Variants in CDH13 observed in about 807,000 individuals in gnomAD.
CDH13 encodes the protein cadherin 13.
A neutral mutation model predicts 63.8 loss-of-function variants in CDH13; 24 were observed. The observed-to-expected ratio is 0.38, with a 90% CI of 0.27 to 0.53. CDH13 has a LOEUF of 0.53. Among genes scored for constraint, CDH13 ranks in the 20% least tolerant of loss-of-function variants. The pLI is 0.85. For synonymous variants in CDH13, 503 were observed against 355.3 expected (o/e 1.42, Z -4.67); for missense variants, 1,049 against 903.1 (o/e 1.16, Z -2.07).
intron 5 of CDH13, among the ~76,000 whole-genome samples, chr16:83,293,962 G>A (rs530190820): frequency 2.3e-4 from 35 of 152,228 alleles, no homozygotes; most frequent in Non-Finnish European, 4.3e-4. Flanking sequence ...TATTATTGTT[G>A]CCCCTGTGAG....
chr16:83,286,931 C>T (rs558925825), intron 5 of CDH13, among the ~76,000 whole-genome samples: 1 of 151,828 alleles, frequency 6.6e-6, no homozygotes, highest in Non-Finnish European at 1.5e-5. Context: ...CCTACTTGTC[C>T]CCCTGCCATG....
chr16:82,749,705 A>G (rs2034332369), intron 1 of CDH13, among the ~76,000 whole-genome samples: 1 of 152,140 alleles, frequency 6.6e-6, no homozygotes, highest in Non-Finnish European at 1.5e-5. Flanking sequence ...AACGTATTAT[A>G]AATGTTTGTA....
At chr16:82,640,403 C>A (rs966756252) in intron 1 of CDH13, among the ~76,000 whole-genome samples, 2 of 152,086 alleles carry the variant, frequency 1.3e-5, no homozygotes, top group African/African-American at 4.8e-5. Flanking sequence ...ACGAATATGG[C>A]AACTAATGAT....
At chr16:82,859,332 T>C (rs2039834846) in intron 2 of CDH13, 1 of 152,364 alleles carries the variant, frequency 6.6e-6, no homozygotes, top group South Asian at 2.1e-4. Flanking sequence ...CCGAGGAGGA[T>C]GGATGGCTTG....
intron 6 of CDH13, among the ~76,000 whole-genome samples, chr16:83,448,425 A>G (rs185790650): frequency 9.7e-4 from 147 of 152,288 alleles, no homozygotes; most frequent in African/African-American, 3.3e-3. Context: ...ACTGGGTCAG[A>G]TCTCTTCCCT....
chr16:82,992,676 A>G (rs142689191), intron 2 of CDH13, among the ~76,000 whole-genome samples: 9 of 152,336 alleles, frequency 5.9e-5, no homozygotes, highest in Admixed American at 1.3e-4. Context: ...CTTAACTTCA[A>G]TACTACATGA....
chr16:83,194,922 G>A (rs907439102), intron 4 of CDH13, among the ~76,000 whole-genome samples: 1 of 152,044 alleles, frequency 6.6e-6, no homozygotes, highest in Non-Finnish European at 1.5e-5. Context: ...CTCCTGCTTT[G>A]ACATACAAAC....
chr16:83,314,657 G>T (rs2090069636), intron 5 of CDH13, among the ~76,000 whole-genome samples: 1 of 152,122 alleles, frequency 6.6e-6, no homozygotes, highest in Non-Finnish European at 1.5e-5. Flanking sequence ...TCCAACACAA[G>T]AAAAGAAAAT....
chr16:83,565,401 T>C (rs1229356100), intron 7 of CDH13, among the ~76,000 whole-genome samples: 2 of 148,290 alleles, frequency 1.3e-5, no homozygotes, highest in Non-Finnish European at 3.0e-5. Context: ...TTTTTTTTCT[T>C]AGTTGCAGAG....
intron 1 of CDH13, among the ~76,000 whole-genome samples, chr16:82,717,807 G>T (rs907119832): frequency 1.3e-5 from 2 of 152,204 alleles, no homozygotes; most frequent in Non-Finnish European, 2.9e-5. Context: ...CTAGGGATTA[G>T]GATTTGGTAC....
intron 1 of CDH13, among the ~76,000 whole-genome samples, chr16:82,787,841 A>AGTGTGTGTGTGTGTGTGTGTCTGT (rs10528183): frequency 6.8e-6 from 1 of 146,654 alleles, no homozygotes; most frequent in East Asian, 2.1e-4. Flanking sequence ...GAAGGGAGGA[A>AGTGTGTGTGTGTGTGTGTGTCTGT]GTGTGTGTGT....
chr16:83,185,811 A>T (rs1567488165), intron 4 of CDH13, among the ~76,000 whole-genome samples: 1 of 152,208 alleles, frequency 6.6e-6, no homozygotes, highest in Non-Finnish European at 1.5e-5. Context: ...CTCATTCCAC[A>T]TTCTCCTGCC....
chr16:83,596,010 C>A (rs1182556647), intron 7 of CDH13, among the ~76,000 whole-genome samples: 1 of 152,214 alleles, frequency 6.6e-6, no homozygotes, highest in Non-Finnish European at 1.5e-5. Flanking sequence ...GCACCTTTTG[C>A]AAAATTCAGC....
chr16:83,573,964 C>T (rs1046369153), intron 7 of CDH13, among the ~76,000 whole-genome samples: 46 of 152,112 alleles, frequency 3.0e-4, no homozygotes, highest in Admixed American at 9.8e-4. Flanking sequence ...ATTGGGTCCC[C>T]GGGATTTAAA....
chr16:83,121,230 C>G (rs925468875), intron 3 of CDH13, among the ~76,000 whole-genome samples: 1 of 152,128 alleles, frequency 6.6e-6, no homozygotes, highest in Middle Eastern at 3.2e-3. Flanking sequence ...CTTACTTAGT[C>G]TCTTTCATTG....
At chr16:82,710,552 A>AAAAAAAAT (rs60196638) in intron 1 of CDH13, among the ~76,000 whole-genome samples, 3 of 63,768 alleles carry the variant, frequency 4.7e-5, no homozygotes, top group Non-Finnish European at 6.0e-5. Context: ...AAAAAAAAAA[A>AAAAAAAAT]ATATATATAT....
chr16:82,807,137 A>G (rs1311156321), intron 1 of CDH13, among the ~76,000 whole-genome samples: 1 of 151,774 alleles, frequency 6.6e-6, no homozygotes, highest in African/African-American at 2.4e-5. Flanking sequence ...TTTACTGACA[A>G]CAGACATTGC....
chr16:82,925,823 C>A (rs933656985), intron 2 of CDH13: 1 of 152,170 alleles, frequency 6.6e-6, no homozygotes, highest in African/African-American at 2.4e-5. Context: ...CTCCAGGTCT[C>A]CTACCACCGA....
At chr16:83,665,258 C>T (rs775762891) in intron 8 of CDH13, among the ~76,000 whole-genome samples, 2 of 152,222 alleles carry the variant, frequency 1.3e-5, no homozygotes, top group Middle Eastern at 6.8e-3. Context: ...GTGATAAGAG[C>T]AGAAAGAGTC....
Sources: gnomAD v4.1 joint callset for allele counts (sites outside exome capture counted in the v4.1 genomes callset) on GRCh38, gnomAD v4.1.1 for gene constraint, MANE v1.5 for transcripts, NCBI Gene and HGNC (gene_info 2026-07-23, HGNC 2026-07-21) for gene names.